GALNT13: variants seen among roughly 807,000 people sequenced by gnomAD.
GALNT13 encodes UDP-GalNAc:polypeptide N-acetylgalactosaminyltransferase 13.
Under a neutral mutation model 64.2 loss-of-function variants are expected in GALNT13, and 28 were observed. The observed-to-expected ratio is 0.44, with a 90% CI of 0.32 to 0.60. GALNT13 has a LOEUF of 0.60. GALNT13 is among the 20% of genes least tolerant of loss of function. The probability of loss-of-function intolerance (pLI) is 0.05; values close to 1 mark genes in which losing one functional copy is unlikely to be tolerated. For synonymous variants in GALNT13, 214 were observed against 224.6 expected (o/e 0.95, Z 0.42); for missense variants, 577 against 669.8 (o/e 0.86, Z 1.53).
chr2:153,533,723 CTTTTTTTTTTT>C, the GALNT13 span, among the ~76,000 whole-genome samples: 11,841 of 49,198 alleles, frequency 0.24, 946 homozygotes, highest in Middle Eastern at 0.44. Flanking sequence ...TGAGGTTTTT[CTTTTTTTTTTT>C]TTTTTTTTTT....
chr2:153,511,764 TG>T, the GALNT13 span, among the ~76,000 whole-genome samples: 1 of 152,200 alleles, frequency 6.6e-6, no homozygotes, highest in Admixed American at 6.5e-5. Context: ...GGGAGTTTTA[TG>T]GGTGAGTATA....
In GALNT13 at chr2:153,872,619, CGG is replaced by C. The variant is rs1218155488; in HGVS notation, c.-177+330_-177+331del. 4.7e-3 allele frequency among the ~76,000 whole-genome samples: 77 copies of C among 16,294 alleles called. 1 individual carries two copies. Among genetic ancestry groups the C allele is most frequent in the African/African-American group, 0.012 (67 of 5,570 alleles). 10.7% of individuals were successfully genotyped at this position (16,294 alleles called of 152,430 possible). A position where few individuals can be genotyped will look rare whatever the true frequency, so the allele number is the denominator to read the frequency against. On this transcript the variant is annotated intron_variant, in intron 1 of 12. Transcript: ENST00000392825. ...GGCTACCCCGGTGAGTTGTTGGTGG[CGG>C]GGGGGGGGGGGGGAGCGGCTCTGGC... is the stretch of plus-strand genomic sequence containing the variant.
chr2:154,019,643 C>T (rs1306018733), intron 3 of GALNT13, among the ~76,000 whole-genome samples: 3 of 148,984 alleles, frequency 2.0e-5, no homozygotes, highest in Non-Finnish European at 4.5e-5. Flanking sequence ...CACACACACA[C>T]ACACACACAC....
chr2:153,761,278 G>A, the GALNT13 span, among the ~76,000 whole-genome samples: 1 of 151,874 alleles, frequency 6.6e-6, no homozygotes, highest in Non-Finnish European at 1.5e-5. Flanking sequence ...TTTATTTTCT[G>A]CTTTTTTGAG....
chr2:153,820,164 C>CT, the GALNT13 span, among the ~76,000 whole-genome samples: 1 of 152,056 alleles, frequency 6.6e-6, no homozygotes, highest in African/African-American at 2.4e-5. Context: ...GAAGGCTGGT[C>CT]TTTTTTAAAA....
At chr2:154,308,911 C>A (rs1693884473) in intron 9 of GALNT13, among the ~76,000 whole-genome samples, 1 of 152,082 alleles carries the variant, frequency 6.6e-6, no homozygotes, top group Admixed American at 6.6e-5. Context: ...TTCTATAATT[C>A]TTTAAGGCAT....
the GALNT13 span, among the ~76,000 whole-genome samples, chr2:153,414,207 C>T: frequency 6.6e-6 from 1 of 151,892 alleles, no homozygotes; most frequent in Non-Finnish European, 1.5e-5. Flanking sequence ...AACCCCGTCT[C>T]TACTAAAAAA....
At chr2:153,102,881 GA>G in the GALNT13 span, among the ~76,000 whole-genome samples, 1 of 152,220 alleles carries the variant, frequency 6.6e-6, no homozygotes, top group East Asian at 1.9e-4. Context: ...AGGGATAATT[GA>G]AGTCTCCTGG....
At chr2:154,276,666 C>A (rs117909327) in intron 8 of GALNT13, among the ~76,000 whole-genome samples, 19 of 152,080 alleles carry the variant, frequency 1.2e-4, no homozygotes, top group Admixed American at 1.1e-3. Flanking sequence ...TTGGAAGGGG[C>A]GGAATGATAT....
At chr2:153,852,946 A>G in the GALNT13 span, among the ~76,000 whole-genome samples, 1 of 152,238 alleles carries the variant, frequency 6.6e-6, no homozygotes, top group Admixed American at 6.5e-5. Context: ...AAGTCCCACA[A>G]TAGGCCATCT....
At chr2:153,693,084 C>G in the GALNT13 span, among the ~76,000 whole-genome samples, 1 of 152,116 alleles carries the variant, frequency 6.6e-6, no homozygotes, top group South Asian at 2.1e-4. Flanking sequence ...CATATTTAAT[C>G]CAGCTTTGAG....
the GALNT13 span, among the ~76,000 whole-genome samples, chr2:153,146,507 G>A: frequency 4.6e-5 from 7 of 151,846 alleles, no homozygotes; most frequent in South Asian, 2.1e-4. Context: ...AATTATAGCT[G>A]CCATTGCACT....
chr2:153,829,686 G>A, the GALNT13 span, among the ~76,000 whole-genome samples: 4,232 of 152,082 alleles, frequency 0.028, 76 homozygotes, highest in Non-Finnish European at 0.034. Flanking sequence ...CTGGAGCTCA[G>A]GAAAGAGGTC....
At chr2:154,281,008 G>C (rs1367583864) in intron 8 of GALNT13, among the ~76,000 whole-genome samples, 10 of 152,034 alleles carry the variant, frequency 6.6e-5, no homozygotes, top group Admixed American at 6.6e-4. Context: ...TTCTACTTTT[G>C]TCTTAATAAT....
the GALNT13 span, among the ~76,000 whole-genome samples, chr2:153,792,294 A>T: frequency 6.9e-6 from 1 of 145,082 alleles, no homozygotes; most frequent in African/African-American, 2.8e-5. Context: ...AAATGTACAG[A>T]CTTTTTTTTC....
chr2:153,520,697 C>T, the GALNT13 span, among the ~76,000 whole-genome samples: 1 of 152,118 alleles, frequency 6.6e-6, no homozygotes, highest in Non-Finnish European at 1.5e-5. Flanking sequence ...TTTCATTTCT[C>T]TTATAATTTA....
chr2:153,244,668 C>CA, the GALNT13 span, among the ~76,000 whole-genome samples: 2 of 152,186 alleles, frequency 1.3e-5, no homozygotes, highest in African/African-American at 4.8e-5. Context: ...CCACTGGGTA[C>CA]AAAAAATACC....
the GALNT13 span, among the ~76,000 whole-genome samples, chr2:153,142,123 C>T: frequency 2.6e-5 from 4 of 151,980 alleles, no homozygotes; most frequent in East Asian, 7.8e-4. Context: ...GTCTTTATGA[C>T]CAAAATACAC....
intron 2 of GALNT13, among the ~76,000 whole-genome samples, chr2:153,925,196 C>A (rs1690037881): frequency 6.6e-6 from 1 of 151,678 alleles, no homozygotes; most frequent in Admixed American, 6.6e-5. Context: ...GGTATGTATT[C>A]ACATATTTAA....
Sources: gnomAD v4.1 joint callset for allele counts (sites outside exome capture counted in the v4.1 genomes callset) on GRCh38, gnomAD v4.1.1 for gene constraint, MANE v1.5 for transcripts, NCBI Gene and HGNC (gene_info 2026-07-23, HGNC 2026-07-21) for gene names.